Variants in AFG2A observed in about 807,000 individuals in gnomAD.
AFG2A encodes AAA ATPase AFG2A.
the AFG2A span, among the ~76,000 whole-genome samples, chr4:123,100,134 A>T: frequency 6.6e-6 from 1 of 151,798 alleles, no homozygotes; most frequent in East Asian, 1.9e-4. Flanking sequence ...ATACACTGAC[A>T]CCTGTTGTAA....
chr4:123,298,340 ACT>A, the AFG2A span, among the ~76,000 whole-genome samples: 1 of 151,320 alleles, frequency 6.6e-6, no homozygotes, highest in Admixed American at 6.6e-5. Flanking sequence ...AGAGACAAAA[ACT>A]CTCTTCATCG....
chr4:123,047,790 A>G, the AFG2A span, among the ~76,000 whole-genome samples: 1 of 151,514 alleles, frequency 6.6e-6, no homozygotes, highest in African/African-American at 2.4e-5. Context: ...TCAGCCTTGA[A>G]CTCCAGGGTT....
chr4:123,119,762 G>A, the AFG2A span, among the ~76,000 whole-genome samples: 1 of 152,040 alleles, frequency 6.6e-6, no homozygotes, highest in Non-Finnish European at 1.5e-5. Flanking sequence ...TTCTGTATTA[G>A]TCCATTCTCA....
At chr4:123,007,838 T>C in the AFG2A span, among the ~76,000 whole-genome samples, 3 of 151,866 alleles carry the variant, frequency 2.0e-5, no homozygotes, top group Non-Finnish European at 2.9e-5. Flanking sequence ...TGCTGTGACC[T>C]GTGAACTTTT....
chr4:123,266,882 T>C, the AFG2A span, among the ~76,000 whole-genome samples: 2 of 152,116 alleles, frequency 1.3e-5, no homozygotes, highest in Admixed American at 1.3e-4. Context: ...AAGTTGAGGG[T>C]TTCTGTGTCC....
chr4:123,147,328 T>C, the AFG2A span, among the ~76,000 whole-genome samples: 2 of 152,090 alleles, frequency 1.3e-5, no homozygotes, highest in African/African-American at 4.8e-5. Context: ...TCTTTACCTC[T>C]GAAGCATCAA....
chr4:123,024,227 C>CAAAAAAAAAAAAAAAAAAAA, the AFG2A span, among the ~76,000 whole-genome samples: 1 of 123,664 alleles, frequency 8.1e-6, no homozygotes, highest in Non-Finnish European at 1.6e-5. Context: ...AGACTATAAG[C>CAAAAAAAAAAAAAAAAAAAA]AAAAAAAAAA....
the AFG2A span, among the ~76,000 whole-genome samples, chr4:123,198,996 A>G: frequency 6.6e-6 from 1 of 152,326 alleles, no homozygotes; most frequent in South Asian, 2.1e-4. Flanking sequence ...AGTACTGGTG[A>G]TGCTGTGAGT....
chr4:123,164,388 G>C, the AFG2A span, among the ~76,000 whole-genome samples: 3 of 152,136 alleles, frequency 2.0e-5, no homozygotes, highest in Admixed American at 1.3e-4. Context: ...TTTTGAGACA[G>C]AGTCTCGCCC....
chr4:122,946,238 A>G, the AFG2A span, among the ~76,000 whole-genome samples: 1 of 152,214 alleles, frequency 6.6e-6, no homozygotes, highest in Non-Finnish European at 1.5e-5. Flanking sequence ...TATAATTACA[A>G]GGGTTCTTGG....
chr4:123,268,046 TTA>T, the AFG2A span, among the ~76,000 whole-genome samples: 2 of 152,036 alleles, frequency 1.3e-5, no homozygotes, highest in African/African-American at 4.8e-5. Context: ...AATATATAAT[TTA>T]TGTTTATATT....
At chr4:123,266,675 T>C in the AFG2A span, among the ~76,000 whole-genome samples, 2 of 151,964 alleles carry the variant, frequency 1.3e-5, no homozygotes, top group African/African-American at 4.8e-5. Context: ...TACTATTTTT[T>C]ACTTTTCAAA....
the AFG2A span, among the ~76,000 whole-genome samples, chr4:122,943,817 T>G: frequency 3.3e-5 from 5 of 152,196 alleles, no homozygotes; most frequent in African/African-American, 7.2e-5. Context: ...AGGAGCTCTT[T>G]TAGGGCAGGC....
At chr4:123,299,221 C>A in the AFG2A span, among the ~76,000 whole-genome samples, 2 of 151,822 alleles carry the variant, frequency 1.3e-5, no homozygotes, top group South Asian at 4.2e-4. Context: ...GGAAGTAGGA[C>A]AGACTTGTGA....
chr4:123,164,804 C>A, the AFG2A span, among the ~76,000 whole-genome samples: 1 of 152,060 alleles, frequency 6.6e-6, no homozygotes. Flanking sequence ...AAAAAACAGA[C>A]CAAGTATTCT....
chr4:122,977,598 A>G, the AFG2A span, among the ~76,000 whole-genome samples: 1 of 152,258 alleles, frequency 6.6e-6, no homozygotes, highest in Non-Finnish European at 1.5e-5. Context: ...CCAGAGGGCC[A>G]CAGCTCCTCT....
At chr4:123,311,625 C>CAAAAAA in the AFG2A span, among the ~76,000 whole-genome samples, 143 of 92,198 alleles carry the variant, frequency 1.6e-3, 1 homozygote, top group Non-Finnish European at 1.9e-3. Flanking sequence ...GACTCTGTCT[C>CAAAAAA]AAAAAAAAAA....
At chr4:122,941,085 C>T in the AFG2A span, among the ~76,000 whole-genome samples, 1 of 149,552 alleles carries the variant, frequency 6.7e-6, no homozygotes, top group Admixed American at 6.6e-5. Context: ...CAGCTTTGTT[C>T]TTTTGGCTTA....
chr4:122,944,113 C>T, the AFG2A span, among the ~76,000 whole-genome samples: 1 of 152,132 alleles, frequency 6.6e-6, no homozygotes, highest in Non-Finnish European at 1.5e-5. Flanking sequence ...AATTATGTGT[C>T]TTGGAATTGC....
Sources: allele counts gnomAD v4.1 joint callset (sites outside exome capture counted in the v4.1 genomes callset), GRCh38; gene constraint gnomAD v4.1.1; transcripts MANE v1.5; gene names NCBI Gene and HGNC (gene_info 2026-07-23, HGNC 2026-07-21).